The following ENTR1 variants were observed in gnomAD, a reference collection of about 807,000 sequenced individuals.
ENTR1 encodes endosome-associated-trafficking regulator 1.
Under a neutral mutation model 47.9 loss-of-function variants are expected in ENTR1, and 47 were observed. The observed-to-expected ratio is 0.98, with a 90% CI of 0.78 to 1.25. ENTR1 has a LOEUF of 1.25. Ranked by LOEUF, ENTR1 falls within the 50% of genes most tolerant of loss-of-function variation. The pLI is 0.00. For synonymous variants in ENTR1, 290 were observed against 245.8 expected (o/e 1.18, Z -1.68); for missense variants, 668 against 570.5 (o/e 1.17, Z -1.74).
chr9:136,409,820 G>C (rs777459837), intron 2 of ENTR1: 2 of 588,674 alleles, frequency 3.4e-6, no homozygotes, highest in Non-Finnish European at 6.5e-6. Context: ...AAGGCACCCC[G>C]ACTCCAGCCC....
intron 8 of ENTR1, among the ~76,000 whole-genome samples, chr9:136,404,418 A>G (rs1483160700): frequency 6.6e-6 from 1 of 152,108 alleles, no homozygotes; most frequent in Non-Finnish European, 1.5e-5. Flanking sequence ...CTACAAGTGG[A>G]TGCCCCGTGC....
At chr9:136,408,535 G>A (rs1419377725) in intron 3 of ENTR1, among the ~76,000 whole-genome samples, 1 of 152,070 alleles carries the variant, frequency 6.6e-6, no homozygotes, top group Non-Finnish European at 1.5e-5. Flanking sequence ...CCGAGATCGT[G>A]CCACTGTACT....
At position 136,407,384 on chromosome 9, in the gene ENTR1, C is replaced by G. The variant is rs746532770; in HGVS notation, c.580G>C (p.Glu194Gln). Reference sequence around the variant, plus strand: ...GGGACCCTCTCGGGGTGAGTCTGCTCGATGGCGGACGGCAGGTAGGCCCCA... The same window carrying G: ...GGGACCCTCTCGGGGTGAGTCTGCTGGATGGCGGACGGCAGGTAGGCCCCA... ...WSGAYLPSAIEQTHPERVPAG... is the reference protein window; with the variant it reads ...WSGAYLPSAIQQTHPERVPAG... The change falls in exon 5 of 10, where the codon GAG (glutamate) becomes CAG (glutamine). Residue 194 changes from glutamate (E) to glutamine (Q), a missense_variant. Physicochemically the swap from Glu to Gln is conservative, Grantham distance 29. Coordinates refer to ENST00000357365, the MANE Select transcript of ENTR1 (RefSeq NM_001039707.2). 1 of 1,606,506 alleles carries G rather than the reference C, an allele frequency of 6.2e-7. No homozygotes were observed. The highest frequency in any genetic ancestry group is 2.2e-5 in the East Asian group (1 of 44,676).
intron 5 of ENTR1, chr9:136,406,916 A>C (rs1225169983): frequency 1.9e-6 from 1 of 527,192 alleles, no homozygotes; most frequent in Non-Finnish European, 3.3e-6. Context: ...TAAGTGCCCA[A>C]CTGCATCCAA....
At chr9:136,408,363 G>A (rs890886375) in intron 3 of ENTR1, among the ~76,000 whole-genome samples, 4 of 152,018 alleles carry the variant, frequency 2.6e-5, no homozygotes, top group East Asian at 1.9e-4. Flanking sequence ...CGGATCACGA[G>A]GTCAGGAGAC....
rs771347188 is a variant in ENTR1, at chr9:136,408,567, G to A, written c.289+432C>T. Among the ~76,000 whole-genome samples the A allele has an allele frequency of 3.7e-4, 56 of 152,180 alleles. 1 individual carries two copies. The highest frequency in any genetic ancestry group is 6.8e-3 in the Middle Eastern group (2 of 294). On this transcript the variant is annotated intron_variant, in intron 3 of 9. Coordinates refer to ENST00000357365, the MANE Select transcript of ENTR1 (RefSeq NM_001039707.2). ...TACTCCAGCCTGGGCGACAGAGCGA[G>A]ACTCTGTCTCAAAAAACAACAACAA...
At position 136,410,393 on chromosome 9, in the gene ENTR1, G is replaced by T; in HGVS notation, c.5C>A (p.Ser2Ter). ...GGCGCCCGGGCGGCGCTGGTAGCCC[G>T]ACATCGCCGCCGGCCCGGCGGGGCA... M[S>*]GYQRRPGATP... is the part of the protein sequence containing the mutation. The change falls in exon 1 of 10, where the codon TCG (serine) becomes TAG (stop). Residue 2 changes from serine (S) to a stop codon, truncating the protein, a stop_gained. Coordinates refer to ENST00000357365, the MANE Select transcript of ENTR1 (RefSeq NM_001039707.2). LOFTEE classifies it high-confidence loss of function. 7 of 1,390,982 alleles carry T rather than the reference G, an allele frequency of 5.0e-6. No homozygotes were observed. Among genetic ancestry groups the T allele is most frequent in the Non-Finnish European group, 6.5e-6 (7 of 1,081,760 alleles). The allele number at this position is 1,390,982 out of a possible 1,614,324, so 86.2% of individuals were successfully genotyped here.
In ENTR1 at chr9:136,402,606, G is replaced by T. The variant is rs577314451; in HGVS notation, c.*182C>A. 4.1e-6 allele frequency: 2 copies of T among 482,582 alleles called. No individual in the cohort carries two copies. Among genetic ancestry groups the T allele is most frequent in the Middle Eastern group, 5.4e-4 (1 of 1,848 alleles). The allele number at this position is 482,582 out of a possible 1,614,324, so 29.9% of individuals were successfully genotyped here. ...TGCATAGAAACCACAGAGACAACTCGGCCAGGGCTGCTCCCATTGTGGTGG... is the reference window on the plus strand; with the variant it reads ...TGCATAGAAACCACAGAGACAACTCTGCCAGGGCTGCTCCCATTGTGGTGG... On this transcript the variant is annotated 3_prime_UTR_variant, in exon 10 of 10. Transcript: ENST00000357365.
Position 136,407,209 on chromosome 9 carries a change from A to G in ENTR1, c.755T>C (p.Phe252Ser). The change falls in exon 5 of 10, where the codon TTT (phenylalanine) becomes TCT (serine). Residue 252 changes from phenylalanine to serine, a missense_variant. Transcript: ENST00000357365. Reference protein sequence around the residue: ...ASPAGSPSADFAVHGESLGDR... With the variant: ...ASPAGSPSADSAVHGESLGDR... ...TCCCAGAGACTCTCCATGAACCGCA[A>G]AGTCTGCGCTAGGACTCCCTGCCGG... The G allele has an allele frequency of 6.2e-7, 1 of 1,612,908 alleles. No individual in the cohort carries two copies. The highest frequency in any genetic ancestry group is 8.5e-7 in the Non-Finnish European group (1 of 1,179,820).
At chr9:136,405,820 T>A in intron 6 of ENTR1, 85 bp downstream of exon 6, 1 of 787,452 alleles carries the variant, frequency 1.3e-6, no homozygotes, top group Non-Finnish European at 2.0e-6. Flanking sequence ...CTGGTTTGAC[T>A]CTGATTACTT....
rs2131569686 is a variant in ENTR1 at position 136,409,010 on chromosome 9, G to A, written c.278C>T (p.Thr93Ile). ...CTGAACTACTCTACCTCCAAAATGT[G>A]TCCCGTGGGCTCCTGACGGGCTCTG... ...SKQSPSGAHGTHFGDDRFEDL... is the reference protein window; with the variant it reads ...SKQSPSGAHGIHFGDDRFEDL... Residue 93 changes from threonine to isoleucine, a missense_variant, in exon 3 of 10, where the codon ACA (threonine) becomes ATA (isoleucine). Transcript: ENST00000357365. The A allele has an allele frequency of 1.2e-6, 2 of 1,613,802 alleles. No individual in the cohort carries two copies. Among genetic ancestry groups the A allele is most frequent in the Non-Finnish European group, 1.7e-6 (2 of 1,179,870 alleles).
chr9:136,407,671 C>T (rs1049073315), intron 4 of ENTR1, 110 bp from the exon 5 acceptor site: 47 of 1,447,128 alleles, frequency 3.2e-5, no homozygotes, highest in East Asian at 1.2e-4. Context: ...ATCTCTCTAC[C>T]GGAAGGAGCC....
At chr9:136,408,955 G>A in intron 3 of ENTR1, 44 bp downstream of exon 3, 3 of 1,543,628 alleles carry the variant, frequency 1.9e-6, no homozygotes, top group Non-Finnish European at 2.7e-6. Context: ...GCCTGGCACT[G>A]TGTTGGATGG....
At chr9:136,406,285 C>A (rs1223735648) in intron 5 of ENTR1, among the ~76,000 whole-genome samples, 1 of 151,876 alleles carries the variant, frequency 6.6e-6, no homozygotes, top group African/African-American at 2.4e-5. Flanking sequence ...CTGGCCAACA[C>A]GGTGAAACCC....
intron 2 of ENTR1, among the ~76,000 whole-genome samples, chr9:136,409,342 G>T (rs1034074734): frequency 2.6e-5 from 4 of 152,052 alleles, no homozygotes; most frequent in African/African-American, 9.7e-5. Flanking sequence ...CACCACGCCC[G>T]GCTAATTTTT....
rs1564413055 is a variant in ENTR1 at position 136,409,034 on chromosome 9, T to C, written c.254A>G (p.Gln85Arg). The C allele has an allele frequency of 1.2e-6, 2 of 1,614,022 alleles. No individual in the cohort carries two copies. The highest frequency in any genetic ancestry group is 8.5e-7 in the Non-Finnish European group (1 of 1,180,006). The change falls in exon 3 of 10, where the codon CAG becomes CGG. Residue 85 changes from glutamine (Q) to arginine (R), a missense_variant. Gln to Arg is a conservative substitution (Grantham distance 43). Coordinates refer to ENST00000357365, the MANE Select transcript of ENTR1 (RefSeq NM_001039707.2). Reference protein sequence around the residue: ...FGYGKGKCSKQSPSGAHGTHF... With the variant: ...FGYGKGKCSKRSPSGAHGTHF... ...TGTCCCGTGGGCTCCTGACGGGCTCTGCTTAGAACATTTCCCCTTTCCATA... is the reference window on the plus strand; with the variant it reads ...TGTCCCGTGGGCTCCTGACGGGCTCCGCTTAGAACATTTCCCCTTTCCATA...
intron 2 of ENTR1, 137 bp downstream of exon 2, chr9:136,409,953 T>G: frequency 1.8e-6 from 2 of 1,083,350 alleles, no homozygotes; most frequent in South Asian, 1.3e-5. Context: ...GACTCCGCCT[T>G]TGAATTCCGA....
chr9:136,409,169 C>A (rs1197745952), intron 2 of ENTR1, 102 bp from the exon 3 acceptor site: 2 of 937,140 alleles, frequency 2.1e-6, no homozygotes, highest in African/African-American at 1.7e-5. Flanking sequence ...CAGTGGTTCT[C>A]ACAGTCTAGA....
rs185579899 is a variant in ENTR1, at chr9:136,404,952, C to T, written c.1005+139G>A. ...ATCCCCAGGCACAGCGAGACAGCGA[C>T]GTCAAAGAACACCAGTCCCAGAGAG... On this transcript the variant is annotated intron_variant, in intron 7 of 9. Coordinates refer to ENST00000357365, the MANE Select transcript of ENTR1 (RefSeq NM_001039707.2). The T allele has an allele frequency of 4.1e-4, 298 of 728,652 alleles. No individual in the cohort carries two copies. The African/African-American group carries it at 4.6e-3, about 11-fold the overall frequency. The allele number at this position is 728,652 out of a possible 1,614,324, so 45.1% of individuals were successfully genotyped here.
Sources: gnomAD v4.1 joint callset for allele counts (sites outside exome capture counted in the v4.1 genomes callset) on GRCh38, gnomAD v4.1.1 for gene constraint, MANE v1.5 for transcripts, NCBI Gene and HGNC (gene_info 2026-07-23, HGNC 2026-07-21) for gene names.